ST14: variants seen among roughly 807,000 people sequenced by gnomAD.
ST14 encodes suppressor of tumorigenicity 14 protein.
Under a neutral mutation model 96.5 loss-of-function variants are expected in ST14, and 40 were observed. That is an observed-to-expected ratio of 0.41 (90% confidence interval 0.32 to 0.54). ST14 has a LOEUF of 0.54. ST14 is among the 20% of genes least tolerant of loss of function. The pLI is 0.17. For missense variants in ST14, 1,066 were observed against 1,188.9 expected, an observed-to-expected ratio of 0.90 and a Z score of 1.52; for synonymous variants, 506 against 492.1, an observed-to-expected ratio of 1.03 and a Z score of -0.37.
chr11:130,173,298 C>T (rs1025264240), intron 1 of ST14, among the ~76,000 whole-genome samples: 12 of 152,118 alleles, frequency 7.9e-5, no homozygotes, highest in Non-Finnish European at 1.5e-4. Flanking sequence ...CAGATTCAAA[C>T]TTCAAAACAA....
chr11:130,167,775 C>T (rs942465568), intron 1 of ST14, among the ~76,000 whole-genome samples: 2 of 151,866 alleles, frequency 1.3e-5, no homozygotes, highest in African/African-American at 4.8e-5. Flanking sequence ...AGTGCAGTGG[C>T]GCGATCTCGG....
chr11:130,208,406 C>T lies in ST14; in HGVS notation c.1995-4C>T, dbSNP rs538181932. 510 of 1,614,058 alleles carry T rather than the reference C, an allele frequency of 3.2e-4. 8 individuals carry two copies. The South Asian group carries it at 4.6e-3, about 15-fold the overall frequency. On this transcript the variant is annotated splice_polypyrimidine_tract_variant and splice_region_variant and intron_variant, in intron 16 of 18. Transcript: ENST00000278742. ...CGCAGTCTCATAGCGGCTCTCCCTA[C>T]CAGGTACTCAGACCCCACGCAGTGG... is the stretch of plus-strand genomic sequence containing the variant.
At position 130,209,715 on chromosome 11, in the gene ST14, G is replaced by A; in HGVS notation, c.2460G>A (p.Gln820=). 6.2e-7 allele frequency: 1 copy of A among 1,613,942 alleles called. No homozygotes were observed. The highest frequency in any genetic ancestry group is 2.2e-5 in the East Asian group (1 of 44,890). The change falls in exon 19 of 19, where the codon CAG becomes CAA. Residue 820 remains glutamine, a synonymous_variant. Coordinates refer to ENST00000278742, the MANE Select transcript of ST14 (RefSeq NM_021978.4). ...SSVEADGRIF[Q]AGVVSWGDGC... ...TGGAGGCGGATGGGCGGATCTTCCA[G>A]GCCGGTGTGGTGAGCTGGGGAGACG...
Position 130,188,886 on chromosome 11 carries a change from C to T in ST14, c.387C>T (p.Ser129=), listed in dbSNP as rs763830524. ...TTCCTCAGCTGAAGCTGCTGTACAG[C>T]GGAGTCCCATTCCTGGGCCCCTACC... ...KVKDALKLLY[S]GVPFLGPYHK... The change falls in exon 4 of 19, where the codon AGC becomes AGT. Residue 129 remains serine (S), a synonymous_variant. Transcript: ENST00000278742. The surrounding 1 kb of genome is among the most constrained non-coding windows in gnomAD (Gnocchi z 5.4). 11 of 1,613,010 alleles carry T rather than the reference C, an allele frequency of 6.8e-6. No individual in the cohort carries two copies. The East Asian group carries it at 1.6e-4, about 23-fold the overall frequency.
At chr11:130,161,197 CTA>C (rs1202727937) in intron 1 of ST14, among the ~76,000 whole-genome samples, 1 of 152,168 alleles carries the variant, frequency 6.6e-6, no homozygotes, top group African/African-American at 2.4e-5. Flanking sequence ...CTGGGCTCTG[CTA>C]TTTTCTCCAC....
chr11:130,166,023 C>T (rs1267959198), intron 1 of ST14, among the ~76,000 whole-genome samples: 3 of 152,188 alleles, frequency 2.0e-5, no homozygotes, highest in Non-Finnish European at 2.9e-5. Flanking sequence ...GGTGATCACC[C>T]GGTGCCAGTG....
chr11:130,174,877 C>G (rs1009505960), intron 1 of ST14, among the ~76,000 whole-genome samples: 1 of 152,172 alleles, frequency 6.6e-6, no homozygotes, highest in Non-Finnish European at 1.5e-5. Context: ...CTTTTTTTGT[C>G]TTCGTGGCTC....
intron 1 of ST14, among the ~76,000 whole-genome samples, chr11:130,176,822 G>A (rs1428715123): frequency 9.5e-5 from 10 of 105,664 alleles, no homozygotes; most frequent in Non-Finnish European, 1.3e-4. Context: ...TTTTTGAGAC[G>A]GAGTCTCACT....
intron 1 of ST14, among the ~76,000 whole-genome samples, chr11:130,162,892 C>T (rs1016810009): frequency 6.6e-6 from 1 of 152,162 alleles, no homozygotes; most frequent in Non-Finnish European, 1.5e-5. Context: ...AACATGCAGC[C>T]AAGACCCGGG....
intron 1 of ST14, among the ~76,000 whole-genome samples, chr11:130,182,011 GTC>G (rs1454537965): frequency 6.6e-6 from 1 of 152,228 alleles, no homozygotes; most frequent in African/African-American, 2.4e-5. Flanking sequence ...TCTCATGGGA[GTC>G]TCTGTCTTCT....
At chr11:130,191,648 CCACTA>C (rs1168204713) in intron 7 of ST14, among the ~76,000 whole-genome samples, 3 of 145,580 alleles carry the variant, frequency 2.1e-5, no homozygotes, top group African/African-American at 7.8e-5. Flanking sequence ...CGAGATCGTA[CCACTA>C]CACTCCAGCC....
At chr11:130,197,489 C>T (rs1278888264) in intron 11 of ST14, among the ~76,000 whole-genome samples, 2 of 152,266 alleles carry the variant, frequency 1.3e-5, no homozygotes, top group Non-Finnish European at 2.9e-5. Flanking sequence ...CGGGGCCTGG[C>T]CCTCAGGGGC....
chr11:130,168,371 A>C (rs1953060104), intron 1 of ST14, among the ~76,000 whole-genome samples: 1 of 152,162 alleles, frequency 6.6e-6, no homozygotes, highest in South Asian at 2.1e-4. Context: ...ATTTTGTTTG[A>C]ATGATCAGAG....
Position 130,160,066 on chromosome 11 carries a change from C to A in ST14, c.81+6C>A. 2 of 1,424,640 alleles carry A rather than the reference C, an allele frequency of 1.4e-6. No homozygotes were observed. The highest frequency in any genetic ancestry group is 9.3e-7 in the Non-Finnish European group (1 of 1,080,126). The allele number at this position is 1,424,640 out of a possible 1,614,324, so 88.2% of individuals were successfully genotyped here. On this transcript the variant is annotated splice_donor_region_variant and intron_variant, in intron 1 of 18. Coordinates refer to ENST00000278742, the MANE Select transcript of ST14 (RefSeq NM_021978.4). ...AGTACAACTCCCGGCACGAGGTGAGCGCGGGCCGGGGACCCGGGGCGCTGG... is the reference window on the plus strand; with the variant it reads ...AGTACAACTCCCGGCACGAGGTGAGAGCGGGCCGGGGACCCGGGGCGCTGG...
rs780755739 is a variant in ST14, at chr11:130,198,951, C to T, written c.1689C>T (p.Asn563=). 8 of 1,614,002 alleles carry T rather than the reference C, an allele frequency of 5.0e-6. No homozygotes were observed. The highest frequency in any genetic ancestry group is 2.2e-5 in the South Asian group (2 of 91,064). The change falls in exon 15 of 19, where the codon AAC becomes AAT. Residue 563 remains asparagine (N), a synonymous_variant. Coordinates refer to ENST00000278742, the MANE Select transcript of ST14 (RefSeq NM_021978.4). ...CTTGTCCTCCTCCTTGAACAGTGAACGTCGTCACTTGTACCAAACACACCT... is the reference window on the plus strand; with the variant it reads ...CTTGTCCTCCTCCTTGAACAGTGAATGTCGTCACTTGTACCAAACACACCT... ...GSDEASCPKV[N]VVTCTKHTYR...
Position 130,199,962 on chromosome 11 carries a change from C to T in ST14, c.1819C>T (p.Arg607Trp), listed in dbSNP as rs1242315506. ...TGCTCCCTCTGCAGACTGTGGGCTGCGGTCATTCACGAGACAGGCTCGTGT... is the reference window on the plus strand; with the variant it reads ...TGCTCCCTCTGCAGACTGTGGGCTGTGGTCATTCACGAGACAGGCTCGTGT... Reference protein sequence around the residue: ...SDEKDCDCGLRSFTRQARVVG... With the variant: ...SDEKDCDCGLWSFTRQARVVG... The change falls in exon 16 of 19, where the codon CGG becomes TGG. Residue 607 changes from arginine (R) to tryptophan (W), a missense_variant. Coordinates refer to ENST00000278742, the MANE Select transcript of ST14 (RefSeq NM_021978.4). 6 of 1,614,056 alleles carry T rather than the reference C, an allele frequency of 3.7e-6. No homozygotes were observed. The highest frequency in any genetic ancestry group is 5.1e-6 in the Non-Finnish European group (6 of 1,180,036).
chr11:130,171,021 C>T (rs866853130), intron 1 of ST14, among the ~76,000 whole-genome samples: 3 of 152,252 alleles, frequency 2.0e-5, no homozygotes, highest in Middle Eastern at 3.4e-3. Flanking sequence ...AGCAGTGAAA[C>T]GGGAAATCTG....
rs111842905 is a variant in ST14 at position 130,188,790 on chromosome 11, T to C, written c.370-79T>C. ...TGATCTGCAAAGGGGACCCGGGCCC[T>C]GGAGGGGAGGGAGCAGCCCGGGCTT... On this transcript the variant is annotated intron_variant, in intron 3 of 18. Transcript: ENST00000278742. The surrounding 1 kb of genome is among the most constrained non-coding windows in gnomAD (Gnocchi z 5.4). 2,923 of 1,601,544 alleles carry C rather than the reference T, an allele frequency of 1.8e-3. 33 individuals are homozygous for C. In the African/African-American group the frequency reaches 0.027, roughly 15 times the overall value.
rs1352458063 is a variant in ST14, at chr11:130,189,729, C to G, written c.441-10C>G. ...CAGAGCTCCGCCTCAGGCTCCCGCTCTCTCCCCAGCGAGGGCAGCGTCATC... is the reference window on the plus strand; with the variant it reads ...CAGAGCTCCGCCTCAGGCTCCCGCTGTCTCCCCAGCGAGGGCAGCGTCATC... On this transcript the variant is annotated splice_polypyrimidine_tract_variant and intron_variant, in intron 4 of 18. Transcript: ENST00000278742. The G allele has an allele frequency of 1.2e-6, 2 of 1,610,788 alleles. No homozygotes were observed. Among genetic ancestry groups the G allele is most frequent in the Non-Finnish European group, 1.7e-6 (2 of 1,179,808 alleles).
Sources: gnomAD v4.1 joint callset for allele counts (sites outside exome capture counted in the v4.1 genomes callset) on GRCh38, gnomAD v4.1.1 for gene constraint, Gnocchi (gnomAD v3.1) non-coding constraint, MANE v1.5 for transcripts, NCBI Gene and HGNC (gene_info 2026-07-23, HGNC 2026-07-21) for gene names.